The following STRBP variants were observed in gnomAD, a reference collection of about 807,000 sequenced individuals.
STRBP encodes the protein spermatid perinuclear RNA-binding protein.
STRBP carries 13 observed loss-of-function variants against 80.1 expected under a neutral mutation model. The observed-to-expected ratio is 0.16, with a 90% CI of 0.11 to 0.26. The LOEUF (loss-of-function observed/expected upper bound fraction) is 0.26, where lower values mean the gene tolerates loss of function less well. Ranked by LOEUF, STRBP falls within the 10% of genes least tolerant of loss-of-function variation. The pLI, the probability that STRBP is intolerant of heterozygous loss-of-function variation, is 1.00. For missense variants in STRBP, 485 were observed against 815.2 expected (o/e 0.59, Z 4.93); for synonymous variants, 284 against 291.2 (o/e 0.98, Z 0.25).
At chr9:123,183,576 G>A (rs1444564340) in intron 3 of STRBP, among the ~76,000 whole-genome samples, 3 of 152,052 alleles carry the variant, frequency 2.0e-5, no homozygotes, top group Non-Finnish European at 2.9e-5. Flanking sequence ...GAGACTATGA[G>A]CTCATCTAAC....
At chr9:123,226,763 T>C (rs1487895621) in intron 2 of STRBP, among the ~76,000 whole-genome samples, 2 of 147,924 alleles carry the variant, frequency 1.4e-5, no homozygotes, top group Non-Finnish European at 3.0e-5. Flanking sequence ...TGTTGGGGAG[T>C]GAGGGGGTGG....
chr9:123,248,265 T>TG (rs1457425643), intron 1 of STRBP, among the ~76,000 whole-genome samples: 1 of 140,220 alleles, frequency 7.1e-6, no homozygotes, highest in African/African-American at 2.7e-5. Context: ...TATCGTGTTT[T>TG]TTTTTTTTTT....
intron 14 of STRBP, among the ~76,000 whole-genome samples, chr9:123,138,849 CA>C (rs2036469850): frequency 6.6e-6 from 1 of 152,166 alleles, no homozygotes; most frequent in Non-Finnish European, 1.5e-5. Flanking sequence ...ACTACTTATT[CA>C]TACAAATGAC....
Position 123,179,190 on chromosome 9 carries a change from A to T in STRBP, c.41T>A (p.Val14Asp). The change falls in exon 4 of 19, where the codon GTT becomes GAT. Residue 14 changes from valine (V) to aspartate (D), a missense_variant. Val to Asp is a radical substitution (Grantham distance 152). Coordinates refer to ENST00000348403, the MANE Select transcript of STRBP (RefSeq NM_018387.5). ...ATAGATTGTTGAATGTTTCACCATA[A>T]CATGGCGATCATCATTAGCAAAAGA... Reference protein sequence around the residue: ...IRSFANDDRHVMVKHSTIYPS... With the variant: ...IRSFANDDRHDMVKHSTIYPS... The T allele has an allele frequency of 6.2e-7, 1 of 1,610,596 alleles. No homozygotes were observed. The highest frequency in any genetic ancestry group is 8.5e-7 in the Non-Finnish European group (1 of 1,176,950).
At chr9:123,163,023 C>T (rs2037592032) in intron 6 of STRBP, among the ~76,000 whole-genome samples, 1 of 152,156 alleles carries the variant, frequency 6.6e-6, no homozygotes, top group Non-Finnish European at 1.5e-5. Flanking sequence ...TGACTAACTA[C>T]TAAGTAATGT....
intron 11 of STRBP, among the ~76,000 whole-genome samples, chr9:123,152,115 G>A (rs1183202330): frequency 6.6e-6 from 1 of 152,086 alleles, no homozygotes; most frequent in African/African-American, 2.4e-5. Flanking sequence ...TAAGAAGATG[G>A]AAGTCCTATG....
At chr9:123,189,120 T>C (rs921109802) in intron 2 of STRBP, among the ~76,000 whole-genome samples, 3 of 152,040 alleles carry the variant, frequency 2.0e-5, no homozygotes, top group Non-Finnish European at 2.9e-5. Flanking sequence ...CATGGAATAC[T>C]ATGCAGCCAT....
chr9:123,136,649 C>G lies in STRBP; in HGVS notation c.1498-134G>C. ...GCACTCAGGGGCTAGAATGAGTCAC[C>G]TCTTTACACAAATGGCAAAATATCA... On this transcript the variant is annotated intron_variant, in intron 14 of 18. Coordinates refer to ENST00000348403, the MANE Select transcript of STRBP (RefSeq NM_018387.5). This position sits in a 1 kb window ranked among gnomAD's most constrained non-coding sequence, Gnocchi z 4.2. The G allele has an allele frequency of 3.9e-6, 4 of 1,014,334 alleles. No homozygotes were observed. The highest frequency in any genetic ancestry group is 5.6e-6 in the Non-Finnish European group (4 of 715,466). The allele number at this position is 1,014,334 out of a possible 1,614,324, so 62.8% of individuals were successfully genotyped here. A position where few individuals can be genotyped will look rare whatever the true frequency, so the allele number is the denominator to read the frequency against.
At chr9:123,255,416 A>C (rs773209311) in intron 1 of STRBP, among the ~76,000 whole-genome samples, 1 of 152,216 alleles carries the variant, frequency 6.6e-6, no homozygotes, top group South Asian at 2.1e-4. Flanking sequence ...AGTTGGGAAC[A>C]CTCAACTGCT....
intron 1 of STRBP, among the ~76,000 whole-genome samples, chr9:123,266,190 C>A (rs970355364): frequency 6.6e-6 from 1 of 152,180 alleles, no homozygotes; most frequent in African/African-American, 2.4e-5. Context: ...CTCCTCGTGA[C>A]CCTGTGTGGC....
intron 2 of STRBP, among the ~76,000 whole-genome samples, chr9:123,212,325 T>A (rs956104353): frequency 6.6e-6 from 1 of 152,198 alleles, no homozygotes; most frequent in African/African-American, 2.4e-5. Flanking sequence ...ACAGTATATA[T>A]TAATAATTGA....
In STRBP at chr9:123,133,491, C is replaced by T. The variant is rs1384996410; in HGVS notation, c.1774-523G>A. ...GAAGGTAATATGATTTCTTGGAGCC[C>T]GATTCCTCTGCTGTTTGTGTATGTA... On this transcript the variant is annotated intron_variant, in intron 16 of 18. Transcript: ENST00000348403. 2.6e-5 allele frequency among the ~76,000 whole-genome samples: 4 copies of T among 151,872 alleles called. No individual in the cohort carries two copies. The East Asian group carries it at 7.7e-4, about 29-fold the overall frequency.
At chr9:123,162,949 C>G (rs2037587854) in intron 6 of STRBP, among the ~76,000 whole-genome samples, 1 of 152,182 alleles carries the variant, frequency 6.6e-6, no homozygotes, top group Non-Finnish European at 1.5e-5. Flanking sequence ...GCTCACATAT[C>G]AGATAAAACA....
chr9:123,144,617 A>G (rs1341168649), intron 13 of STRBP, among the ~76,000 whole-genome samples: 1 of 152,224 alleles, frequency 6.6e-6, no homozygotes, highest in African/African-American at 2.4e-5. Flanking sequence ...GTTAATGGTT[A>G]TTATTTCTAC....
intron 2 of STRBP, among the ~76,000 whole-genome samples, chr9:123,215,344 A>C (rs759168495): frequency 6.6e-6 from 1 of 152,188 alleles, no homozygotes; most frequent in Non-Finnish European, 1.5e-5. Context: ...GGCATGAGCC[A>C]CTGTGCCCAG....
At chr9:123,256,210 G>C (rs1176532670) in intron 1 of STRBP, among the ~76,000 whole-genome samples, 2 of 151,350 alleles carry the variant, frequency 1.3e-5, no homozygotes, top group East Asian at 1.9e-4. Context: ...ATAAAGATGT[G>C]GTCTCATTAT....
At chr9:123,237,532 C>G (rs1056538035) in intron 1 of STRBP, among the ~76,000 whole-genome samples, 1 of 151,874 alleles carries the variant, frequency 6.6e-6, no homozygotes, top group African/African-American at 2.4e-5. Context: ...ACCTCACTTG[C>G]TTAAGACAAA....
chr9:123,168,392 C>T (rs1322500065), intron 6 of STRBP: 1 of 160,030 alleles, frequency 6.2e-6, no homozygotes, highest in Non-Finnish European at 1.3e-5. Flanking sequence ...AAATATGACT[C>T]ATAAATGTGT....
chr9:123,199,156 C>T (rs966053559), intron 2 of STRBP, among the ~76,000 whole-genome samples: 1 of 152,148 alleles, frequency 6.6e-6, no homozygotes, highest in African/African-American at 2.4e-5. Flanking sequence ...AGGATGGTCT[C>T]GATCTTTTGA....
Sources: allele counts gnomAD v4.1 joint callset (sites outside exome capture counted in the v4.1 genomes callset), GRCh38; gene constraint gnomAD v4.1.1; non-coding constraint Gnocchi (gnomAD v3.1); transcripts MANE v1.5; gene names NCBI Gene and HGNC (gene_info 2026-07-23, HGNC 2026-07-21).